Variants in ANO7 observed in about 807,000 individuals in gnomAD.
ANO7 encodes the protein anoctamin 7, also known as anoctamin-7.
In ANO7, 114 loss-of-function variants were observed where a neutral mutation model predicts 115.8. That is an observed-to-expected ratio of 0.98 (90% CI 0.85 to 1.15). The LOEUF (loss-of-function observed/expected upper bound fraction) is 1.15, where lower values mean the gene tolerates loss of function less well. Among genes scored for constraint, ANO7 ranks in the 50% most tolerant of loss-of-function variants. The probability of loss-of-function intolerance (pLI) is 0.00; values close to 1 mark genes in which losing one functional copy is unlikely to be tolerated. For synonymous variants in ANO7, 550 were observed against 498.2 expected, an observed-to-expected ratio of 1.10 and a Z score of -1.38; for missense variants, 1,302 against 1,201.2, an observed-to-expected ratio of 1.08 and a Z score of -1.24.
Position 241,190,109 on chromosome 2 carries a change from G to T in ANO7, c.46G>T (p.Asp16Tyr). ...GGAAGAGGACAGCACCGTCCTGATC[G>T]ATGTGAGCCCCCCTGAGGCAGAGAA... ...AQEEDSTVLI[D>Y]VSPPEAEKRG... Residue 16 changes from aspartate (D) to tyrosine (Y), a missense_variant, in exon 2 of 25, where the codon GAT becomes TAT. Coordinates refer to ENST00000674324, the MANE Select transcript of ANO7 (RefSeq NM_001370694.2). 1 of 1,583,566 alleles carries T rather than the reference G, an allele frequency of 6.3e-7. No homozygotes were observed. The highest frequency in any genetic ancestry group is 8.6e-7 in the Non-Finnish European group (1 of 1,165,218).
At chr2:241,204,514 G>A (rs565871394) in intron 9 of ANO7, among the ~76,000 whole-genome samples, 1 of 152,170 alleles carries the variant, frequency 6.6e-6, no homozygotes, top group Non-Finnish European at 1.5e-5. Flanking sequence ...GCTCTGTGGT[G>A]GGCAGGATGT....
Position 241,218,325 on chromosome 2 carries a change from C to G in ANO7, c.2265C>G (p.Asn755Lys), listed in dbSNP as rs202170152. Reference sequence around the variant, plus strand: ...CCCACGACCTGCGCGGCTTCCTCAACTTCACGCTGGCGCGAGCCCCGTCCT... The same window carrying G: ...CCCACGACCTGCGCGGCTTCCTCAAGTTCACGCTGGCGCGAGCCCCGTCCT... ...TRAHDLRGFL[N>K]FTLARAPSSF... Residue 755 changes from asparagine to lysine, a missense_variant, in exon 21 of 25, where the codon AAC becomes AAG. Transcript: ENST00000674324. The G allele has an allele frequency of 4.6e-6, 7 of 1,516,962 alleles. No homozygotes were observed. The highest frequency in any genetic ancestry group is 3.9e-5 in the Admixed American group (2 of 50,648). 94.0% of individuals were successfully genotyped at this position (1,516,962 alleles called of 1,614,324 possible).
chr2:241,190,884 G>A (rs1048186002), intron 2 of ANO7, among the ~76,000 whole-genome samples: 6 of 152,188 alleles, frequency 3.9e-5, no homozygotes, highest in Non-Finnish European at 7.4e-5. Flanking sequence ...CATGCTTCCC[G>A]CCAACCTGAC....
intron 3 of ANO7, among the ~76,000 whole-genome samples, chr2:241,192,643 A>C (rs1468383744): frequency 6.6e-6 from 1 of 152,208 alleles, no homozygotes; most frequent in Non-Finnish European, 1.5e-5. Flanking sequence ...GGAGAAACTT[A>C]GTTCAGCCCA....
rs375532467 is a variant in ANO7, at chr2:241,223,652, C to G, written c.2413-10C>G. The G allele has an allele frequency of 1.3e-5, 21 of 1,610,814 alleles. No individual in the cohort carries two copies. The highest frequency in any genetic ancestry group is 5.3e-5 in the African/African-American group (4 of 74,824). On this transcript the variant is annotated splice_polypyrimidine_tract_variant and intron_variant, in intron 22 of 24. Transcript: ENST00000674324. ...TTTGGGTGGGCGTGAGTGCCTTCCT[C>G]TGCTCCCAGCATGTGGTTTTCTCCG...
chr2:241,217,659 A>G, intron 19 of ANO7, 27 bp from the exon 20 acceptor site: 1 of 1,554,868 alleles, frequency 6.4e-7, no homozygotes, highest in Non-Finnish European at 8.7e-7. Context: ...GGTGGCGGAG[A>G]GCCCGGCCGT....
chr2:241,221,689 T>C (rs1393512731), intron 21 of ANO7, among the ~76,000 whole-genome samples: 2 of 151,974 alleles, frequency 1.3e-5, no homozygotes, highest in Admixed American at 1.3e-4. Context: ...TTCTTTTTTT[T>C]CTTTTGAGAT....
chr2:241,232,361 C>T, the ANO7 span, among the ~76,000 whole-genome samples: 20 of 152,110 alleles, frequency 1.3e-4, 1 homozygote, highest in South Asian at 3.1e-3. Flanking sequence ...CTGCAGCCTC[C>T]GCCTCCTGCG....
At chr2:241,230,609 C>T (rs1194645278), downstream of ANO7, 9 of 697,054 alleles carry the variant, frequency 1.3e-5, no homozygotes, top group Non-Finnish European at 1.5e-5. The surrounding 1 kb of genome is among the most constrained non-coding windows in gnomAD (Gnocchi z 5.0). Context: ...TGCACTGACC[C>T]GTGGTGTCCA....
At chr2:241,231,251 G>A in the ANO7 span, 1 of 252,928 alleles carries the variant, frequency 4.0e-6, no homozygotes, top group Non-Finnish European at 7.8e-6. Flanking sequence ...GGGCGTGGTG[G>A]TGCACGCCTG....
intron 20 of ANO7, 28 bp from the exon 21 acceptor site, chr2:241,218,211 G>A (rs201395653): frequency 1.2e-5 from 16 of 1,360,594 alleles, no homozygotes; most frequent in Admixed American, 8.0e-5. Flanking sequence ...AGCGGGGGCC[G>A]CCTCGCGCTG....
At chr2:241,192,496 T>G (rs903574684) in intron 3 of ANO7, among the ~76,000 whole-genome samples, 6 of 152,012 alleles carry the variant, frequency 3.9e-5, no homozygotes, top group Admixed American at 3.9e-4. Context: ...ACCCCCGGGG[T>G]CTCTTCCTCC....
intron 9 of ANO7, 82 bp from the exon 10 acceptor site, chr2:241,204,783 G>A: frequency 9.4e-7 from 1 of 1,063,944 alleles, no homozygotes; most frequent in Non-Finnish European, 1.4e-6. Flanking sequence ...GTCCCTAGGG[G>A]ACAAGCATGG....
In ANO7 at chr2:241,209,304, A is replaced by G; in HGVS notation, c.1097A>G (p.His366Arg). The G allele has an allele frequency of 3.2e-6, 5 of 1,559,498 alleles. No individual in the cohort carries two copies. Among genetic ancestry groups the G allele is most frequent in the Non-Finnish European group, 4.3e-6 (5 of 1,152,468 alleles). ...ALAQAGRLFDHGGTVFFSLFM... is the reference protein window; with the variant it reads ...ALAQAGRLFDRGGTVFFSLFM... ...CCACAGGCCGGCCGGCTGTTCGACCACGGCGGCACCGTGTTCTTCAGCTTG... is the reference window on the plus strand; with the variant it reads ...CCACAGGCCGGCCGGCTGTTCGACCGCGGCGGCACCGTGTTCTTCAGCTTG... The change falls in exon 12 of 25, where the codon CAC (histidine) becomes CGC (arginine). Residue 366 changes from histidine to arginine, a missense_variant. By Grantham distance (29) the His-to-Arg change is conservative (BLOSUM62 0). Transcript: ENST00000674324.
At chr2:241,216,805 G>C (rs1274341459) in intron 19 of ANO7, among the ~76,000 whole-genome samples, 1 of 147,826 alleles carries the variant, frequency 6.8e-6, no homozygotes, top group Middle Eastern at 3.2e-3. Context: ...ACAAAAGGGA[G>C]AAGGAATCAT....
At chr2:241,229,398 G>A (rs916439537), downstream of ANO7, 5 of 527,984 alleles carry the variant, frequency 9.5e-6, no homozygotes, top group Admixed American at 3.2e-5. Flanking sequence ...GTTAAACAGT[G>A]GAGCAGGTCC....
At chr2:241,231,320 G>A in the ANO7 span, 2 of 161,544 alleles carry the variant, frequency 1.2e-5, no homozygotes, top group African/African-American at 4.9e-5. Context: ...GGAGGCGGAG[G>A]TTGCTGTGAG....
the ANO7 span, chr2:241,235,300 C>T: frequency 1.2e-6 from 2 of 1,613,486 alleles, no homozygotes; most frequent in South Asian, 2.2e-5. Context: ...CCCCAGAGAA[C>T]AGGAAAGAGT....
chr2:241,203,554 G>C lies in ANO7; in HGVS notation c.889+56G>C. The C allele has an allele frequency of 6.0e-6, 8 of 1,333,814 alleles. No individual in the cohort carries two copies. In the South Asian group the frequency reaches 1.1e-4, roughly 19 times the overall value. The allele number at this position is 1,333,814 out of a possible 1,614,324, so 82.6% of individuals were successfully genotyped here. The stretch of plus-strand genomic sequence containing the variant: ...CTGGGCCCCCCCAGCTTGGTGTCAG[G>C]TTGTAACAATTTGCCAGTCCGTACC... On this transcript the variant is annotated intron_variant, in intron 9 of 24. Transcript: ENST00000674324. This position sits in a 1 kb window ranked among gnomAD's most constrained non-coding sequence, Gnocchi z 4.8.
Sources: allele counts gnomAD v4.1 joint callset (sites outside exome capture counted in the v4.1 genomes callset), GRCh38; gene constraint gnomAD v4.1.1; non-coding constraint Gnocchi (gnomAD v3.1); transcripts MANE v1.5; gene names NCBI Gene and HGNC (gene_info 2026-07-23, HGNC 2026-07-21).